Variants in EDDM13 observed in about 807,000 individuals in gnomAD.
EDDM13 encodes epididymal protein 13.
In EDDM13, 24 loss-of-function variants were observed where a neutral mutation model predicts 17.8. That is an observed-to-expected ratio of 1.35 (90% confidence interval 0.98 to 1.90). The LOEUF is 1.90. EDDM13 is among the 40% of genes most tolerant of loss of function. The pLI is 0.00. For missense variants in EDDM13, 97 were observed against 100.8 expected, an observed-to-expected ratio of 0.96 and a Z score of 0.16; for synonymous variants, 31 against 37.5, an observed-to-expected ratio of 0.83 and a Z score of 0.63.
Position 56,284,179 on chromosome 19 carries a change from C to T in EDDM13, c.119-19C>T. On this transcript the variant is annotated intron_variant, in intron 4 of 14. Coordinates refer to ENST00000649256, the MANE Select transcript of EDDM13 (RefSeq NM_001354658.2). Reference sequence around the variant, plus strand: ...AACCTTGGCCACCATGCTGACTCTCCTGGATGGGCTGCCATCAGGGATCAT... The same window carrying T: ...AACCTTGGCCACCATGCTGACTCTCTTGGATGGGCTGCCATCAGGGATCAT... 1.0e-6 allele frequency: 1 copy of T among 985,472 alleles called. No individual in the cohort carries two copies. The highest frequency in any genetic ancestry group is 1.2e-6 in the Non-Finnish European group (1 of 829,950). The allele number at this position is 985,472 out of a possible 1,614,324, so 61.0% of individuals were successfully genotyped here.
intron 13 of EDDM13, 47 bp from the exon 14 acceptor site, chr19:56,304,746 C>T (rs2040574227): frequency 2.0e-6 from 2 of 983,106 alleles, no homozygotes; most frequent in South Asian, 4.7e-5. Context: ...ACTCGCCTCA[C>T]CCCAACTGTT....
chr19:56,297,300 T>G (rs997037027), intron 11 of EDDM13, among the ~76,000 whole-genome samples: 21 of 152,120 alleles, frequency 1.4e-4, no homozygotes, highest in African/African-American at 4.8e-4. Flanking sequence ...ATTTAGAGTT[T>G]GGTCTCCACC....
intron 2 of EDDM13, among the ~76,000 whole-genome samples, chr19:56,280,195 T>C (rs904912078): frequency 1.3e-5 from 2 of 152,234 alleles, no homozygotes; most frequent in Admixed American, 6.5e-5. Context: ...TTATACACAC[T>C]GTTCTGTATG....
chr19:56,293,401 A>C (rs901374391), intron 9 of EDDM13, among the ~76,000 whole-genome samples: 1 of 152,170 alleles, frequency 6.6e-6, no homozygotes, highest in Admixed American at 6.5e-5. Context: ...AAAGCGGCTC[A>C]GACTAACGAG....
intron 9 of EDDM13, among the ~76,000 whole-genome samples, chr19:56,293,548 T>C (rs1240276194): frequency 6.6e-6 from 1 of 152,154 alleles, no homozygotes; most frequent in Non-Finnish European, 1.5e-5. Context: ...CGGTCCTGAC[T>C]GCACCACTTT....
At chr19:56,301,520 A>G (rs1039584103) in intron 12 of EDDM13, among the ~76,000 whole-genome samples, 1 of 151,738 alleles carries the variant, frequency 6.6e-6, no homozygotes, top group African/African-American at 2.4e-5. Context: ...CTTTACCGCA[A>G]CCTGTTTTAT....
At chr19:56,302,195 G>A (rs1200987118) in intron 13 of EDDM13, 100 bp downstream of exon 13, 35 of 839,606 alleles carry the variant, frequency 4.2e-5, no homozygotes, top group East Asian at 3.4e-5. Context: ...CCTCAGAGGT[G>A]CCAAGCAGGA....
intron 10 of EDDM13, 54 bp from the exon 11 acceptor site, chr19:56,296,282 G>GGGCGAGCC (rs1165045656): frequency 1.3e-5 from 2 of 152,460 alleles, no homozygotes; most frequent in Admixed American, 1.3e-4. Context: ...TGGTCTGGAA[G>GGGCGAGCC]TGTTTATCAT....
At chr19:56,283,050 C>T (rs917459008) in intron 4 of EDDM13, 2 of 152,158 alleles carry the variant, frequency 1.3e-5, no homozygotes, top group African/African-American at 4.8e-5. Flanking sequence ...GCATTCGGAG[C>T]CTAATTCTGC....
intron 1 of EDDM13, among the ~76,000 whole-genome samples, chr19:56,273,744 G>A (rs1190128799): frequency 1.3e-5 from 2 of 152,172 alleles, no homozygotes; most frequent in African/African-American, 4.8e-5. Flanking sequence ...AGAAGAGACA[G>A]GAGGCAGGAA....
chr19:56,272,986 C>A, intron 1 of EDDM13, 67 bp downstream of exon 1: 3 of 687,370 alleles, frequency 4.4e-6, no homozygotes, highest in Non-Finnish European at 5.4e-6. Context: ...CTCTTGTGGG[C>A]TGGATTCAGA....
chr19:56,296,669 T>C (rs922188984), intron 11 of EDDM13, among the ~76,000 whole-genome samples: 11 of 152,298 alleles, frequency 7.2e-5, no homozygotes, highest in African/African-American at 2.2e-4. Flanking sequence ...GCAGTAGTTA[T>C]AGGTCTGCTG....
At chr19:56,275,862 T>C (rs1205943738) in intron 1 of EDDM13, among the ~76,000 whole-genome samples, 2 of 152,210 alleles carry the variant, frequency 1.3e-5, no homozygotes, top group African/African-American at 4.8e-5. Flanking sequence ...GCATGTACCA[T>C]GTGAATGTTG....
At chr19:56,290,191 G>A (rs1470851522) in intron 8 of EDDM13, among the ~76,000 whole-genome samples, 1 of 152,200 alleles carries the variant, frequency 6.6e-6, no homozygotes, top group East Asian at 1.9e-4. Flanking sequence ...GGTTTCTCAG[G>A]TGCTTCTGAT....
intron 14 of EDDM13, among the ~76,000 whole-genome samples, chr19:56,306,301 G>A (rs951577285): frequency 8.1e-6 from 1 of 123,774 alleles, no homozygotes; most frequent in Non-Finnish European, 1.8e-5. Context: ...CTCCCGCATC[G>A]CCAGAGAAAG....
intron 7 of EDDM13, among the ~76,000 whole-genome samples, 42 bp from the exon 8 acceptor site, chr19:56,288,832 C>T (rs960037351): frequency 6.6e-6 from 1 of 152,180 alleles, no homozygotes; most frequent in African/African-American, 2.4e-5. Context: ...CTCTACTCTG[C>T]CCCTCCGTTG....
Position 56,288,097 on chromosome 19 carries a change from G to A in EDDM13, c.155-288G>A, listed in dbSNP as rs557566787. Among the ~76,000 whole-genome samples, 29 of 152,310 alleles carry A rather than the reference G, an allele frequency of 1.9e-4. No homozygotes were observed. In the South Asian group the frequency reaches 5.8e-3, roughly 30 times the overall value. ...GGCTGGTGTGGCAGAGCCAAGAAGG[G>A]AGCACAGGCCCAAATGGGTCCATGG... On this transcript the variant is annotated intron_variant, in intron 6 of 14. Transcript: ENST00000649256.
At chr19:56,280,716 A>G (rs1429154113) in intron 2 of EDDM13, 1 of 152,154 alleles carries the variant, frequency 6.6e-6, no homozygotes, top group African/African-American at 2.4e-5. Flanking sequence ...ATCAAAGGAC[A>G]GAGAGAGAGA....
intron 12 of EDDM13, among the ~76,000 whole-genome samples, chr19:56,300,332 C>T (rs1300858148): frequency 1.3e-5 from 2 of 152,190 alleles, no homozygotes; most frequent in East Asian, 1.9e-4. Context: ...AACTTGACAG[C>T]TCTATTTGCT....
Sources: allele counts gnomAD v4.1 joint callset (sites outside exome capture counted in the v4.1 genomes callset), GRCh38; gene constraint gnomAD v4.1.1; transcripts MANE v1.5; gene names NCBI Gene and HGNC (gene_info 2026-07-23, HGNC 2026-07-21).